Variants in SLC2A13 observed in about 807,000 individuals in gnomAD.
SLC2A13 encodes the protein solute carrier family 2 member 13.
In SLC2A13, 32 loss-of-function variants were observed where a neutral mutation model predicts 64.4. The ratio of observed to expected loss-of-function variants is 0.50; its 90% CI spans 0.37 to 0.67. The LOEUF (loss-of-function observed/expected upper bound fraction) is 0.67. SLC2A13 is among the 30% of genes least tolerant of loss of function. The pLI is 0.00. For synonymous variants in SLC2A13, 338 were observed against 327.1 expected, an observed-to-expected ratio of 1.03 and a Z score of -0.36; for missense variants, 743 against 829.2, an observed-to-expected ratio of 0.90 and a Z score of 1.28.
chr12:39,982,824 C>T (rs1482475939), intron 3 of SLC2A13, among the ~76,000 whole-genome samples: 11 of 140,646 alleles, frequency 7.8e-5, no homozygotes, highest in African/African-American at 2.9e-4. Flanking sequence ...TTGGAAAAAA[C>T]TACTTTAAAG....
intron 3 of SLC2A13, among the ~76,000 whole-genome samples, chr12:39,993,727 A>G (rs1354999465): frequency 1.3e-5 from 2 of 152,234 alleles, no homozygotes; most frequent in African/African-American, 4.8e-5. Context: ...TGAGCCATTA[A>G]TTGATATAAA....
intron 4 of SLC2A13, among the ~76,000 whole-genome samples, chr12:39,893,275 C>T (rs1944658217): frequency 6.6e-6 from 1 of 152,136 alleles, no homozygotes; most frequent in South Asian, 2.1e-4. Flanking sequence ...TTATAGAAAA[C>T]AAAACATTCC....
chr12:39,807,316 C>T (rs1035602151), intron 7 of SLC2A13, among the ~76,000 whole-genome samples: 9 of 152,102 alleles, frequency 5.9e-5, no homozygotes, highest in African/African-American at 2.2e-4. Flanking sequence ...CATATGATAA[C>T]ACTGTATAAA....
chr12:40,050,131 G>A (rs867036323), intron 1 of SLC2A13, among the ~76,000 whole-genome samples: 6 of 152,128 alleles, frequency 3.9e-5, no homozygotes, highest in African/African-American at 1.2e-4. Flanking sequence ...ATGTTGACAC[G>A]GGATTTGTAT....
intron 2 of SLC2A13, among the ~76,000 whole-genome samples, chr12:40,036,013 T>G (rs1947977705): frequency 6.6e-6 from 1 of 152,116 alleles, no homozygotes. Flanking sequence ...ACACATATCC[T>G]TTTTTCCCCC....
intron 3 of SLC2A13, among the ~76,000 whole-genome samples, chr12:39,995,867 G>A (rs1450603127): frequency 6.6e-6 from 1 of 152,144 alleles, no homozygotes; most frequent in Non-Finnish European, 1.5e-5. Flanking sequence ...GCTACCATCC[G>A]TGAAAAACAT....
chr12:39,917,453 T>C (rs1945540267), intron 4 of SLC2A13, among the ~76,000 whole-genome samples: 1 of 152,078 alleles, frequency 6.6e-6, no homozygotes, highest in African/African-American at 2.4e-5. Context: ...ACATTGTTTC[T>C]GTGTGTGTCT....
At chr12:39,903,234 G>A (rs1945182749) in intron 4 of SLC2A13, among the ~76,000 whole-genome samples, 1 of 152,056 alleles carries the variant, frequency 6.6e-6, no homozygotes. Flanking sequence ...GGACTTCACT[G>A]GAATACAAAA....
At chr12:39,790,456 G>A (rs1463282143) in intron 7 of SLC2A13, among the ~76,000 whole-genome samples, 1 of 148,930 alleles carries the variant, frequency 6.7e-6, no homozygotes, top group Non-Finnish European at 1.5e-5. Context: ...ACCTATGAGT[G>A]AGAATATGCG....
At chr12:40,004,878 A>G (rs1476139688) in intron 3 of SLC2A13, among the ~76,000 whole-genome samples, 1 of 152,228 alleles carries the variant, frequency 6.6e-6, no homozygotes, top group Non-Finnish European at 1.5e-5. Context: ...AGAGAAAAAT[A>G]TATTTTCTAT....
intron 2 of SLC2A13, among the ~76,000 whole-genome samples, chr12:40,037,943 A>G (rs186516067): frequency 2.8e-4 from 43 of 152,294 alleles, no homozygotes; most frequent in African/African-American, 1.0e-3. Flanking sequence ...CAGTTTAATC[A>G]GTCGTAGCCA....
At chr12:39,875,120 C>G (rs1026039483) in intron 4 of SLC2A13, among the ~76,000 whole-genome samples, 2 of 152,170 alleles carry the variant, frequency 1.3e-5, no homozygotes, top group African/African-American at 4.8e-5. Context: ...GACTTTAAAA[C>G]AAAACACATT....
chr12:40,064,170 G>A (rs17483475), intron 1 of SLC2A13, among the ~76,000 whole-genome samples: 4 of 152,146 alleles, frequency 2.6e-5, no homozygotes, highest in East Asian at 1.9e-4. Flanking sequence ...ACTTGAGTCC[G>A]CAAGTTCAAG....
At chr12:39,893,761 A>G (rs567836267) in intron 4 of SLC2A13, among the ~76,000 whole-genome samples, 11 of 152,326 alleles carry the variant, frequency 7.2e-5, no homozygotes, top group Non-Finnish European at 1.3e-4. Context: ...CAAGTTATTC[A>G]TTAACTAAAT....
chr12:39,858,980 A>G (rs1943682363), intron 6 of SLC2A13, among the ~76,000 whole-genome samples: 1 of 152,176 alleles, frequency 6.6e-6, no homozygotes, highest in Non-Finnish European at 1.5e-5. Context: ...CATGTTAATG[A>G]TGCGTTTGTT....
intron 4 of SLC2A13, among the ~76,000 whole-genome samples, chr12:39,897,906 T>C (rs994382562): frequency 6.6e-6 from 1 of 152,158 alleles, no homozygotes; most frequent in Non-Finnish European, 1.5e-5. Flanking sequence ...CATTTTTATG[T>C]AGATCTATGA....
chr12:39,853,370 T>C (rs1943520230), intron 6 of SLC2A13, among the ~76,000 whole-genome samples: 1 of 152,050 alleles, frequency 6.6e-6, no homozygotes. Flanking sequence ...ACTATCTTTA[T>C]GACAGATTTC....
At chr12:39,777,141 T>C (rs1402492511) in intron 7 of SLC2A13, among the ~76,000 whole-genome samples, 1 of 152,226 alleles carries the variant, frequency 6.6e-6, no homozygotes, top group Non-Finnish European at 1.5e-5. Context: ...TTTTTCATAT[T>C]GTACTTATGG....
chr12:39,978,316 C>T (rs905403278), intron 3 of SLC2A13, among the ~76,000 whole-genome samples: 6 of 152,080 alleles, frequency 3.9e-5, no homozygotes, highest in African/African-American at 1.4e-4. Context: ...GCTTGACTCT[C>T]GAGCCAAGAT....
Sources: gnomAD v4.1 joint callset for allele counts (sites outside exome capture counted in the v4.1 genomes callset) on GRCh38, gnomAD v4.1.1 for gene constraint, MANE v1.5 for transcripts, NCBI Gene and HGNC (gene_info 2026-07-23, HGNC 2026-07-21) for gene names.